PKHD1: variants seen among roughly 807,000 people sequenced by gnomAD.
PKHD1 encodes PKHD1 ciliary IPT domain containing fibrocystin/polyductin.
A neutral mutation model predicts 412.0 loss-of-function variants in PKHD1; 291 were observed. The observed-to-expected ratio is 0.71, with a 90% CI of 0.64 to 0.78. PKHD1 has a LOEUF of 0.78. PKHD1 is among the 30% of genes least tolerant of loss of function. The pLI is 0.00. For missense variants in PKHD1, 4,825 were observed against 4,950.7 expected, an observed-to-expected ratio of 0.97 and a Z score of 0.76; for synonymous variants, 1,777 against 1,821.5, an observed-to-expected ratio of 0.98 and a Z score of 0.62.
At chr6:51,762,386 T>C (rs1358538902) in intron 55 of PKHD1, among the ~76,000 whole-genome samples, 1 of 152,120 alleles carries the variant, frequency 6.6e-6, no homozygotes, top group Non-Finnish European at 1.5e-5. Flanking sequence ...AAAGCAATTT[T>C]TTGTGTCTAA....
At chr6:51,853,947 T>A (rs1772798104) in intron 49 of PKHD1, among the ~76,000 whole-genome samples, 1 of 152,196 alleles carries the variant, frequency 6.6e-6, no homozygotes, top group South Asian at 2.1e-4. Flanking sequence ...CTCCATCCAG[T>A]TCTGTGCCCT....
At chr6:51,782,122 A>G (rs1792131718) in intron 53 of PKHD1, among the ~76,000 whole-genome samples, 1 of 151,962 alleles carries the variant, frequency 6.6e-6, no homozygotes, top group South Asian at 2.1e-4. Flanking sequence ...GGATTCATGA[A>G]TCAAAAGTAC....
At position 51,959,946 on chromosome 6, in the gene PKHD1, G is replaced by T. The variant is rs753429413; in HGVS notation, c.5832C>A (p.Asp1944Glu). 2.8e-5 allele frequency: 45 copies of T among 1,613,308 alleles called. No homozygotes were observed. Among genetic ancestry groups the T allele is most frequent in the Non-Finnish European group, 3.6e-5 (43 of 1,179,502 alleles). The change falls in exon 36 of 67, where the codon GAC becomes GAA. Residue 1944 changes from aspartate to glutamate, a missense_variant. By Grantham distance (45) the Asp-to-Glu change is conservative. Coordinates refer to ENST00000371117, the MANE Select transcript of PKHD1 (RefSeq NM_138694.4). Reference protein sequence around the residue: ...WFPERLPQDGDNVTVENGQLL... With the variant: ...WFPERLPQDGENVTVENGQLL... ...ATTGGCCATTCTCCACTGTGACGTT[G>T]TCGCCATCTTGTGGCAGCCTTTCAG...
intron 37 of PKHD1, among the ~76,000 whole-genome samples, chr6:51,921,344 C>G (rs1028120144): frequency 1.3e-5 from 2 of 152,226 alleles, no homozygotes; most frequent in Non-Finnish European, 2.9e-5. Context: ...ACCTTTCTCT[C>G]TGGCTGCCCT....
At chr6:51,632,786 A>G in intron 64 of PKHD1, 63 bp from the exon 65 acceptor site, 1 of 1,331,828 alleles carries the variant, frequency 7.5e-7, no homozygotes, top group African/African-American at 1.5e-5. Context: ...TAATTAAAAT[A>G]TGGTAAAAAT....
At chr6:51,945,090 A>T (rs188078797) in intron 36 of PKHD1, among the ~76,000 whole-genome samples, 157 of 152,316 alleles carry the variant, frequency 1.0e-3, no homozygotes, top group Non-Finnish European at 2.0e-3. Context: ...CATGAGTCCC[A>T]GTGTGAGCAA....
chr6:52,024,530 T>C, intron 32 of PKHD1, 44 bp downstream of exon 32: 1 of 1,565,652 alleles, frequency 6.4e-7, no homozygotes, highest in Non-Finnish European at 8.8e-7. Context: ...AGCTACCAAT[T>C]CATTTACATA....
intron 55 of PKHD1, among the ~76,000 whole-genome samples, chr6:51,766,840 C>T (rs780353450): frequency 6.6e-6 from 1 of 151,982 alleles, no homozygotes; most frequent in Non-Finnish European, 1.5e-5. Context: ...CATTTTGTAA[C>T]TGACATGCAG....
intron 48 of PKHD1, among the ~76,000 whole-genome samples, chr6:51,861,979 T>C (rs150803640): frequency 6.6e-6 from 1 of 152,344 alleles, no homozygotes; most frequent in African/African-American, 2.4e-5. Flanking sequence ...AACACTGTTA[T>C]TGAAGCTATG....
intron 60 of PKHD1, among the ~76,000 whole-genome samples, chr6:51,700,646 T>A (rs73738158): frequency 0.034 from 5,174 of 152,110 alleles, 242 homozygotes; most frequent in African/African-American, 0.098. Flanking sequence ...AATCTGAGAT[T>A]AATATCTAAC....
chr6:52,020,146 C>T (rs536323669), intron 33 of PKHD1, among the ~76,000 whole-genome samples: 11 of 152,130 alleles, frequency 7.2e-5, no homozygotes, highest in African/African-American at 2.2e-4. Flanking sequence ...GAGAAGTTAA[C>T]AGAAATAAAC....
intron 53 of PKHD1, among the ~76,000 whole-genome samples, chr6:51,783,888 A>C (rs1285920414): frequency 1.3e-5 from 2 of 152,146 alleles, no homozygotes; most frequent in African/African-American, 2.4e-5. Flanking sequence ...TATTGTAGTC[A>C]TTTAAACATT....
chr6:52,034,723 A>G (rs1562193516), intron 28 of PKHD1, among the ~76,000 whole-genome samples: 1 of 152,234 alleles, frequency 6.6e-6, no homozygotes, highest in Non-Finnish European at 1.5e-5. Context: ...TTACAATAAG[A>G]AACATTTAGA....
intron 60 of PKHD1, among the ~76,000 whole-genome samples, chr6:51,701,706 T>C (rs769284279): frequency 6.6e-6 from 1 of 152,054 alleles, no homozygotes; most frequent in African/African-American, 2.4e-5. Flanking sequence ...ATGATTTCAA[T>C]GTCCAGGCTA....
At position 51,820,203 on chromosome 6, in the gene PKHD1, C is replaced by T. The variant is rs577618102; in HGVS notation, c.8302+10658G>A. 1.1e-3 allele frequency among the ~76,000 whole-genome samples: 174 copies of T among 152,036 alleles called. 2 individuals carry two copies. Among genetic ancestry groups the T allele is most frequent in the Admixed American group, 1.6e-3 (24 of 15,284 alleles). On this transcript the variant is annotated intron_variant, in intron 52 of 66. Transcript: ENST00000371117. ...CTAAGGTATGTGTTCCAAAAGGAAA[C>T]ACCCCAATGGCAAATGAGACTTCTA...
chr6:51,882,436 CTT>C (rs1487576399), intron 46 of PKHD1, among the ~76,000 whole-genome samples: 2 of 152,126 alleles, frequency 1.3e-5, no homozygotes, highest in Non-Finnish European at 2.9e-5. Context: ...AGAATCAAAA[CTT>C]ATCATTTAAA....
chr6:52,063,429 A>G (rs1250272734), intron 13 of PKHD1, among the ~76,000 whole-genome samples: 1 of 152,150 alleles, frequency 6.6e-6, no homozygotes, highest in Admixed American at 6.5e-5. Context: ...GAAAATATAT[A>G]CTCAAAGAGC....
At chr6:51,922,072 T>A (rs1486235275) in intron 37 of PKHD1, among the ~76,000 whole-genome samples, 1 of 152,248 alleles carries the variant, frequency 6.6e-6, no homozygotes, top group East Asian at 1.9e-4. Context: ...TGGTTTTATC[T>A]ACCTTTGGTC....
intron 52 of PKHD1, among the ~76,000 whole-genome samples, chr6:51,829,531 T>C (rs9474096): frequency 0.44 from 67,466 of 151,886 alleles, 16,071 homozygotes; most frequent in Middle Eastern, 0.62. Flanking sequence ...GATTTTTCCT[T>C]TTCATATAGG....
Sources: allele counts gnomAD v4.1 joint callset (sites outside exome capture counted in the v4.1 genomes callset), GRCh38; gene constraint gnomAD v4.1.1; transcripts MANE v1.5; gene names NCBI Gene and HGNC (gene_info 2026-07-23, HGNC 2026-07-21).